The following CFI variants were observed in gnomAD, a reference collection of about 807,000 sequenced individuals.
CFI encodes the protein C3B/C4B inactivator.
In CFI, 66 loss-of-function variants were observed where a neutral mutation model predicts 78.8. The observed-to-expected ratio is 0.84, with a 90% CI of 0.69 to 1.03. The LOEUF (loss-of-function observed/expected upper bound fraction) is 1.03, where lower values mean the gene tolerates loss of function less well. Ranked by LOEUF, CFI falls within the 50% of genes least tolerant of loss-of-function variation. The pLI is 0.00. For missense variants in CFI, 706 were observed against 704.5 expected (o/e 1.00, Z -0.02); for synonymous variants, 250 against 232.6 (o/e 1.07, Z -0.68).
At chr4:109,733,903 C>T in the CFI span, among the ~76,000 whole-genome samples, 4 of 152,224 alleles carry the variant, frequency 2.6e-5, no homozygotes, top group African/African-American at 4.8e-5. Flanking sequence ...GGCGCAGTGA[C>T]TCATGCTTGT....
intron 3 of CFI, among the ~76,000 whole-genome samples, chr4:109,762,936 C>A (rs1727267115): frequency 6.6e-6 from 1 of 152,122 alleles, no homozygotes; most frequent in Non-Finnish European, 1.5e-5. Context: ...AGAGAATCTA[C>A]CAGTAGGTTG....
chr4:109,756,298 G>A (rs1489246355), intron 7 of CFI, among the ~76,000 whole-genome samples: 2 of 77,164 alleles, frequency 2.6e-5, no homozygotes, highest in African/African-American at 1.1e-4. Context: ...TGAAACTAGG[G>A]AGGGAGGAGG....
intron 7 of CFI, 61 bp downstream of exon 7, chr4:109,757,702 C>A: frequency 9.2e-7 from 1 of 1,092,876 alleles, no homozygotes; most frequent in Non-Finnish European, 1.4e-6. Flanking sequence ...AAATATAAGA[C>A]CAAAGAACCT....
At chr4:109,754,825 T>C (rs914877515) in intron 7 of CFI, among the ~76,000 whole-genome samples, 10 of 152,278 alleles carry the variant, frequency 6.6e-5, no homozygotes, top group African/African-American at 1.9e-4. Flanking sequence ...GATGAGAAAG[T>C]CCAGTGTAGC....
intron 1 of CFI, among the ~76,000 whole-genome samples, chr4:109,771,650 G>A (rs771296365): frequency 4.2e-5 from 6 of 144,130 alleles, no homozygotes; most frequent in Non-Finnish European, 7.5e-5. Context: ...GGAGGTGGAG[G>A]TTGCAGTGAG....
At chr4:109,746,529 A>G in intron 10 of CFI, 27 bp from the exon 11 acceptor site, 1 of 1,523,948 alleles carries the variant, frequency 6.6e-7, no homozygotes, top group Non-Finnish European at 8.9e-7. Context: ...AAGGAAATAA[A>G]ATATATTGAG....
In CFI at chr4:109,756,977, G is replaced by GAAAT. The variant is rs1554028314; in HGVS notation, c.904+782_904+785dup. Among the ~76,000 whole-genome samples the GAAAT allele has an allele frequency of 3.2e-3, 456 of 140,934 alleles. 28 individuals are homozygous for GAAAT. Among genetic ancestry groups the GAAAT allele is most frequent in the East Asian group, 7.7e-3 (35 of 4,536 alleles). The allele number at this position is 140,934 out of a possible 152,430, so 92.5% of individuals were successfully genotyped here. ...AGAAAGAAAGAAAGAAAGAAAGAAA[G>GAAAT]AAATTCTGAGGAGGATCATGAACTT... On this transcript the variant is annotated intron_variant, in intron 7 of 12. Transcript: ENST00000394634.
chr4:109,759,559 A>T (rs1164579480), intron 6 of CFI, among the ~76,000 whole-genome samples: 1 of 152,154 alleles, frequency 6.6e-6, no homozygotes, highest in Non-Finnish European at 1.5e-5. Context: ...TGTTTTTATC[A>T]CTGGAGATGC....
intron 1 of CFI, among the ~76,000 whole-genome samples, chr4:109,769,843 C>A (rs1728336353): frequency 6.6e-6 from 1 of 152,204 alleles, no homozygotes; most frequent in African/African-American, 2.4e-5. Context: ...GGGCTTGCTC[C>A]AACACAGCCA....
chr4:109,738,665 T>C (rs1000530995), downstream of CFI, among the ~76,000 whole-genome samples: 2 of 152,162 alleles, frequency 1.3e-5, no homozygotes, highest in African/African-American at 4.8e-5. Flanking sequence ...GCTCATCGGC[T>C]GCTATGTAGG....
At position 109,745,916 on chromosome 4, in the gene CFI, A is replaced by T. The variant is rs78389103; in HGVS notation, c.1429+306T>A. On this transcript the variant is annotated intron_variant, in intron 11 of 12. Coordinates refer to ENST00000394634, the MANE Select transcript of CFI (RefSeq NM_000204.5). ...ATGACCTTTGAAAGCCTAGATAAGG[A>T]CTGGTTCCATAATTTGCAGAGTCCA... Among the ~76,000 whole-genome samples, 667 of 152,248 alleles carry T rather than the reference A, an allele frequency of 4.4e-3. 6 individuals are homozygous for T. The highest frequency in any genetic ancestry group is 0.015 in the African/African-American group (640 of 41,536).
rs1724837778 is a variant in CFI, at chr4:109,749,240, G to A, written c.1126C>T (p.Leu376=). ...GGIYIGGCWI[L]TAAHCLRASK... ...TACCTGAGACAATGTGCAGCAGTCAGAATCCAACAGCCACCAATATAAATT... is the reference window on the plus strand; with the variant it reads ...TACCTGAGACAATGTGCAGCAGTCAAAATCCAACAGCCACCAATATAAATT... The change falls in exon 10 of 13, where the codon CTG becomes TTG. Residue 376 remains leucine, a synonymous_variant. Transcript: ENST00000394634. 1 of 1,614,100 alleles carries A rather than the reference G, an allele frequency of 6.2e-7. No homozygotes were observed. Among genetic ancestry groups the A allele is most frequent in the Non-Finnish European group, 8.5e-7 (1 of 1,179,940 alleles).
Position 109,760,613 on chromosome 4 carries a change from G to T in CFI, c.682C>A (p.Gln228Lys). 6.2e-7 allele frequency: 1 copy of T among 1,603,928 alleles called. No individual in the cohort carries two copies. The change falls in exon 5 of 13, where the codon CAG becomes AAG. Residue 228 changes from glutamine to lysine, a missense_variant. Coordinates refer to ENST00000394634, the MANE Select transcript of CFI (RefSeq NM_000204.5). ...GAAATGTATTTCCCATTCACACACT[G>T]AAAGAAGTCATCCATTGGAGAATCT... is the stretch of plus-strand genomic sequence containing the variant. ...KADSPMDDFF[Q>K]CVNGKYISQM...
intron 12 of CFI, 38 bp downstream of exon 12, chr4:109,742,453 T>C (rs979619414): frequency 7.7e-7 from 1 of 1,295,850 alleles, no homozygotes; most frequent in African/African-American, 1.5e-5. Context: ...GGGAAATACA[T>C]ACATCTTGAC....
At chr4:109,776,428 A>G (rs1190061406) in intron 1 of CFI, among the ~76,000 whole-genome samples, 1 of 152,234 alleles carries the variant, frequency 6.6e-6, no homozygotes, top group Non-Finnish European at 1.5e-5. Flanking sequence ...GAGAAAAAAG[A>G]GTAAAAAGAA....
At chr4:109,761,942 C>A in intron 3 of CFI, 1 of 448,016 alleles carries the variant, frequency 2.2e-6, no homozygotes, top group Non-Finnish European at 4.1e-6. Context: ...GTAATCCCAG[C>A]ACTTTGGGAG....
At chr4:109,756,655 T>A (rs1042442604) in intron 7 of CFI, among the ~76,000 whole-genome samples, 2 of 149,598 alleles carry the variant, frequency 1.3e-5, no homozygotes, top group Admixed American at 1.3e-4. Flanking sequence ...AGGGCAGGAG[T>A]TCAAGATCAG....
At chr4:109,753,106 T>C (rs1725420108) in intron 7 of CFI, among the ~76,000 whole-genome samples, 2 of 102,170 alleles carry the variant, frequency 2.0e-5, no homozygotes, top group African/African-American at 8.2e-5. Flanking sequence ...AAACAAATAT[T>C]TATAATATAT....
chr4:109,797,281 T>C (rs1042395326), intron 1 of CFI, among the ~76,000 whole-genome samples: 8 of 152,148 alleles, frequency 5.3e-5, no homozygotes, highest in African/African-American at 1.9e-4. Context: ...CATGCATAGA[T>C]AGTCAACTGC....
Sources: gnomAD v4.1 joint callset for allele counts (sites outside exome capture counted in the v4.1 genomes callset) on GRCh38, gnomAD v4.1.1 for gene constraint, MANE v1.5 for transcripts, NCBI Gene and HGNC (gene_info 2026-07-23, HGNC 2026-07-21) for gene names.